Variants in CNTNAP4 observed in about 807,000 individuals in gnomAD.
The protein encoded by CNTNAP4 is contactin associated protein family member 4, also known as contactin-associated protein-like 4.
In CNTNAP4, 98 loss-of-function variants were observed where a neutral mutation model predicts 148.4. The observed-to-expected ratio is 0.66, with a 90% CI of 0.56 to 0.78. The LOEUF (loss-of-function observed/expected upper bound fraction) is 0.78, where lower values mean the gene tolerates loss of function less well. Among genes scored for constraint, CNTNAP4 ranks in the 30% least tolerant of loss-of-function variants. The pLI, the probability that CNTNAP4 is intolerant of heterozygous loss-of-function variation, is 0.00. For synonymous variants in CNTNAP4, 730 were observed against 565.1 expected (o/e 1.29, Z -4.14); for missense variants, 1,935 against 1,565.6 (o/e 1.24, Z -3.98).
Position 76,318,755 on chromosome 16 carries a change from ATAT to A in CNTNAP4, c.196+2234_196+2236del, listed in dbSNP as rs1238946994. ...ATTTTTATTAATAATAATCATAATA[ATAT>A]TCATAATAATAATCATAATCATAAT... On this transcript the variant is annotated intron_variant, in intron 2 of 23. Transcript: ENST00000611870. Among the ~76,000 whole-genome samples, 61 of 141,854 alleles carry A rather than the reference ATAT, an allele frequency of 4.3e-4. 1 individual carries two copies. Among genetic ancestry groups the A allele is most frequent in the Admixed American group, 2.1e-3 (29 of 13,854 alleles). The allele number at this position is 141,854 out of a possible 152,430, so 93.1% of individuals were successfully genotyped here. A position where few individuals can be genotyped will look rare whatever the true frequency, so the allele number is the denominator to read the frequency against.
intron 3 of CNTNAP4, among the ~76,000 whole-genome samples, chr16:76,423,254 T>C (rs922249763): frequency 6.6e-6 from 1 of 152,118 alleles, no homozygotes; most frequent in Non-Finnish European, 1.5e-5. Context: ...TGTGAGATAA[T>C]ATAGGGAACA....
intron 3 of CNTNAP4, among the ~76,000 whole-genome samples, chr16:76,379,491 T>G (rs2144687578): frequency 6.6e-6 from 1 of 152,354 alleles, no homozygotes; most frequent in Admixed American, 6.5e-5. Context: ...CTCCTTTAAC[T>G]GAGTCAATTC....
chr16:76,351,336 G>T (rs2144456679), intron 2 of CNTNAP4, among the ~76,000 whole-genome samples: 1 of 151,174 alleles, frequency 6.6e-6, no homozygotes, highest in East Asian at 2.0e-4. Context: ...TGCATTTCAT[G>T]TCACTAGCTG....
chr16:76,318,489 C>T (rs902839162), intron 2 of CNTNAP4, among the ~76,000 whole-genome samples: 17 of 151,728 alleles, frequency 1.1e-4, no homozygotes, highest in Admixed American at 6.6e-4. Flanking sequence ...TTAATGAAAC[C>T]GAGACACAAA....
chr16:76,286,174 AGTGTGTGTGTGTGTGTGTGTGTGT>A (rs57003243), intron 1 of CNTNAP4, among the ~76,000 whole-genome samples: 5 of 134,912 alleles, frequency 3.7e-5, no homozygotes, highest in East Asian at 2.2e-4. Context: ...TAGAATTATC[AGTGTGTGTGTGTGTGTGTGTGTGT>A]GTGTGTGTGT....
rs775021990 is a variant in CNTNAP4, at chr16:76,479,465, T to C, written c.1809T>C (p.Thr603=). 2.2e-5 allele frequency: 36 copies of C among 1,610,910 alleles called. No homozygotes were observed. In the South Asian group the frequency reaches 3.9e-4, roughly 17 times the overall value. ...SCEAYKHRGN[T]SGFYYIDSDG... The stretch of plus-strand genomic sequence containing the variant: ...AAGCCTATAAGCACAGAGGAAATAC[T>C]TCAGGGTTTTACTATATAGATTCAG... Residue 603 remains threonine, a synonymous_variant, in exon 12 of 24, where the codon ACT becomes ACC. Coordinates refer to ENST00000611870, the MANE Select transcript of CNTNAP4 (RefSeq NM_033401.5).
At chr16:76,460,389 A>G (rs971669239) in intron 8 of CNTNAP4, among the ~76,000 whole-genome samples, 4 of 151,718 alleles carry the variant, frequency 2.6e-5, no homozygotes, top group African/African-American at 7.3e-5. Context: ...GATTACAGGC[A>G]TGAGCCACCA....
chr16:76,426,933 G>C lies in CNTNAP4; in HGVS notation c.391-519G>C, dbSNP rs548557736. ...GCTGCTGAGGTTTAACAACCTGTTAGCTGAGTGTAGCTCCAACTTGAATGT... is the reference window on the plus strand; with the variant it reads ...GCTGCTGAGGTTTAACAACCTGTTACCTGAGTGTAGCTCCAACTTGAATGT... On this transcript the variant is annotated intron_variant, in intron 3 of 23. Transcript: ENST00000611870. 2.7e-4 allele frequency among the ~76,000 whole-genome samples: 41 copies of C among 152,306 alleles called. 1 individual carries two copies. The highest frequency in any genetic ancestry group is 9.9e-4 in the African/African-American group (41 of 41,574).
rs185800215 is a variant in CNTNAP4 at position 76,424,481 on chromosome 16, C to T, written c.391-2971C>T. 1.2e-3 allele frequency among the ~76,000 whole-genome samples: 182 copies of T among 152,126 alleles called. 1 individual carries two copies. Among genetic ancestry groups the T allele is most frequent in the African/African-American group, 4.1e-3 (172 of 41,506 alleles). ...AAGACATAAGCATACAGGCTGGGTG[C>T]GGTGGTTCACGCCTGTAATCCTAAC... On this transcript the variant is annotated intron_variant, in intron 3 of 23. Coordinates refer to ENST00000611870, the MANE Select transcript of CNTNAP4 (RefSeq NM_033401.5).
chr16:76,466,406 A>G (rs1340419380), intron 9 of CNTNAP4, among the ~76,000 whole-genome samples: 1 of 152,192 alleles, frequency 6.6e-6, no homozygotes, highest in Non-Finnish European at 1.5e-5. Context: ...AATAGTTTAA[A>G]TGGATTGTTT....
Position 76,522,042 on chromosome 16 carries a change from C to A in CNTNAP4, c.2540C>A (p.Pro847Gln), listed in dbSNP as rs1170966719. 6.2e-7 allele frequency: 1 copy of A among 1,613,618 alleles called. No homozygotes were observed. Among genetic ancestry groups the A allele is most frequent in the African/African-American group, 1.3e-5 (1 of 74,904 alleles). Residue 847 changes from proline to glutamine, a missense_variant, in exon 17 of 24, where the codon CCG (proline) becomes CAG (glutamine). Pro to Gln is a moderately conservative substitution (Grantham distance 76). Transcript: ENST00000611870. ...TCTTTATGTGTAATATTTCCAGCTC[C>A]GACAGTAGTGACTTTTTCATTTGAT... ...ADFIRIELRS[P>Q]TVVTFSFDVG...
At chr16:76,447,119 GC>G (rs2080277136) in intron 4 of CNTNAP4, among the ~76,000 whole-genome samples, 1 of 151,922 alleles carries the variant, frequency 6.6e-6, no homozygotes, top group African/African-American at 2.4e-5. Context: ...ACCAGCCTGG[GC>G]AACATAATGA....
intron 7 of CNTNAP4, 105 bp from the exon 8 acceptor site, chr16:76,452,403 G>T: frequency 8.7e-7 from 1 of 1,145,440 alleles, no homozygotes; most frequent in Non-Finnish European, 1.3e-6. Context: ...GCAGGCAGTT[G>T]TTTTAAATCG....
chr16:76,540,643 T>A, intron 20 of CNTNAP4, 60 bp from the exon 21 acceptor site: 1 of 1,240,360 alleles, frequency 8.1e-7, no homozygotes, highest in Non-Finnish European at 1.1e-6. Context: ...TGTTGCTTCC[T>A]GTCTTCTCAA....
intron 3 of CNTNAP4, among the ~76,000 whole-genome samples, chr16:76,365,767 A>G (rs1057011865): frequency 6.8e-6 from 1 of 148,134 alleles, no homozygotes; most frequent in African/African-American, 2.5e-5. Flanking sequence ...AAAAAAAAAA[A>G]AAACCTAAGA....
At chr16:76,475,703 G>A (rs1911240) in intron 10 of CNTNAP4, among the ~76,000 whole-genome samples, 82,907 of 152,012 alleles carry the variant, frequency 0.55, 22,652 homozygotes, top group East Asian at 0.61. Flanking sequence ...GGGCTCTGAT[G>A]TAGTGGGACA....
chr16:76,454,162 T>A lies in CNTNAP4; in HGVS notation c.1333+1393T>A, dbSNP rs913536655. On this transcript the variant is annotated intron_variant, in intron 8 of 23. Transcript: ENST00000611870. ...GGAGTTTTGCTCTTGTTGCCCAGGC[T>A]GGAGTGTTATGGTGCAATCTCAGCT... Among the ~76,000 whole-genome samples, 7 of 150,506 alleles carry A rather than the reference T, an allele frequency of 4.7e-5. No homozygotes were observed. The Admixed American group carries it at 4.7e-4, about 10-fold the overall frequency.
At chr16:76,377,471 G>A (rs964172040) in intron 3 of CNTNAP4, among the ~76,000 whole-genome samples, 2 of 152,120 alleles carry the variant, frequency 1.3e-5, no homozygotes, top group Non-Finnish European at 2.9e-5. Context: ...GAATATACAC[G>A]TTTATAATTT....
Position 76,427,481 on chromosome 16 carries a change from T to C in CNTNAP4, c.420T>C (p.Ser140=). ...TTTCAGGAAATGCAAATGCAGACAG[T>C]GTTGTGTACTATAGACTCCAGCCTT... The part of the protein sequence containing the change: ...WGFSGNANAD[S]VVYYRLQPSI... The change falls in exon 4 of 24, where the codon AGT becomes AGC. Residue 140 remains serine (S), a synonymous_variant. Transcript: ENST00000611870. 1 of 1,610,420 alleles carries C rather than the reference T, an allele frequency of 6.2e-7. No homozygotes were observed. Among genetic ancestry groups the C allele is most frequent in the African/African-American group, 1.3e-5 (1 of 74,866 alleles).
Sources: gnomAD v4.1 joint callset for allele counts (sites outside exome capture counted in the v4.1 genomes callset) on GRCh38, gnomAD v4.1.1 for gene constraint, MANE v1.5 for transcripts, NCBI Gene and HGNC (gene_info 2026-07-23, HGNC 2026-07-21) for gene names.